The following AOPEP variants were observed in gnomAD, a reference collection of about 807,000 sequenced individuals.
AOPEP encodes the protein aminopeptidase O.
In AOPEP, 77 loss-of-function variants were observed where a neutral mutation model predicts 98.1. That is an observed-to-expected ratio of 0.78 (90% CI 0.65 to 0.95). The LOEUF is 0.95. AOPEP is among the 40% of genes least tolerant of loss of function. The pLI is 0.00. For missense variants in AOPEP, 1,024 were observed against 1,024.7 expected (o/e 1.00, Z 0.01); for synonymous variants, 346 against 365.3 (o/e 0.95, Z 0.60).
chr9:95,050,226 C>T (rs1339693840), intron 13 of AOPEP, among the ~76,000 whole-genome samples: 2 of 152,202 alleles, frequency 1.3e-5, no homozygotes. Flanking sequence ...CACACATTGG[C>T]AAGGCAGCCT....
At chr9:94,769,478 G>C (rs1288163996) in intron 2 of AOPEP, among the ~76,000 whole-genome samples, 1 of 152,184 alleles carries the variant, frequency 6.6e-6, no homozygotes, top group Non-Finnish European at 1.5e-5. Flanking sequence ...TTTTCAAGGT[G>C]TGCCTACCCT....
the AOPEP span, among the ~76,000 whole-genome samples, chr9:95,122,315 C>G: frequency 6.6e-6 from 1 of 152,114 alleles, no homozygotes; most frequent in African/African-American, 2.4e-5. Context: ...GGTCACGCAT[C>G]TACCAAATAT....
At chr9:95,136,633 C>T in the AOPEP span, among the ~76,000 whole-genome samples, 5 of 152,144 alleles carry the variant, frequency 3.3e-5, no homozygotes, top group African/African-American at 1.2e-4. Context: ...ACTACAGGTG[C>T]ACGTCACCAC....
intron 5 of AOPEP, among the ~76,000 whole-genome samples, chr9:94,898,145 G>A (rs1169597459): frequency 2.6e-5 from 4 of 152,008 alleles, no homozygotes; most frequent in Non-Finnish European, 1.5e-5. Flanking sequence ...CAGCCTAAAA[G>A]TATGCTCTCT....
chr9:95,123,101 A>G, the AOPEP span, among the ~76,000 whole-genome samples: 1 of 152,140 alleles, frequency 6.6e-6, no homozygotes, highest in East Asian at 1.9e-4. Flanking sequence ...CAGCTGTTTG[A>G]GACCAGCCTG....
At chr9:95,114,629 C>T in the AOPEP span, 1 of 1,613,572 alleles carries the variant, frequency 6.2e-7, no homozygotes. Context: ...GTTTGCTCAC[C>T]CATGAGTCTG....
the AOPEP span, chr9:95,126,419 C>T: frequency 1.8e-6 from 2 of 1,086,464 alleles, no homozygotes; most frequent in South Asian, 1.3e-5. Context: ...GAATCAGAAA[C>T]TCTAATTTCC....
intron 13 of AOPEP, among the ~76,000 whole-genome samples, chr9:95,046,625 G>A (rs1166856462): frequency 6.6e-6 from 1 of 152,212 alleles, no homozygotes; most frequent in Non-Finnish European, 1.5e-5. Context: ...AGCTAAGAAC[G>A]ACTTCTAGAC....
intron 13 of AOPEP, among the ~76,000 whole-genome samples, chr9:95,013,161 TATA>T (rs751225858): frequency 1.1e-4 from 17 of 152,120 alleles, no homozygotes; most frequent in Non-Finnish European, 8.8e-5. Context: ...TAAACCCATT[TATA>T]ATAATTAATA....
the AOPEP span, among the ~76,000 whole-genome samples, chr9:95,134,447 C>A: frequency 1.3e-5 from 2 of 152,126 alleles, no homozygotes; most frequent in Non-Finnish European, 2.9e-5. Context: ...AAGACCGGAC[C>A]GTTCACTGTG....
intron 11 of AOPEP, among the ~76,000 whole-genome samples, chr9:95,003,179 C>T (rs932748819): frequency 1.3e-5 from 2 of 150,678 alleles, no homozygotes; most frequent in East Asian, 2.0e-4. Flanking sequence ...CGCGCGCGCG[C>T]GTGTGTGACT....
At chr9:94,733,891 A>G (rs1382216996) in intron 1 of AOPEP, among the ~76,000 whole-genome samples, 2 of 152,198 alleles carry the variant, frequency 1.3e-5, no homozygotes, top group African/African-American at 4.8e-5. Flanking sequence ...TGCTGGGAGT[A>G]TATTTTAAAC....
At chr9:94,884,080 A>C (rs1463090098) in intron 5 of AOPEP, among the ~76,000 whole-genome samples, 1 of 152,228 alleles carries the variant, frequency 6.6e-6, no homozygotes, top group African/African-American at 2.4e-5. Flanking sequence ...TGGAAGGCAG[A>C]GAGCTGCTTG....
chr9:94,936,748 G>T (rs1393054525), intron 7 of AOPEP, among the ~76,000 whole-genome samples: 1 of 152,154 alleles, frequency 6.6e-6, no homozygotes, highest in Admixed American at 6.5e-5. Flanking sequence ...CCAGTCACAC[G>T]CCCCAGGTTG....
At chr9:95,066,932 G>C (rs1564596381) in intron 14 of AOPEP, among the ~76,000 whole-genome samples, 1 of 152,120 alleles carries the variant, frequency 6.6e-6, no homozygotes, top group Non-Finnish European at 1.5e-5. Flanking sequence ...TTGGATTTCT[G>C]TTCTGAAATC....
intron 7 of AOPEP, chr9:94,931,946 G>GT: frequency 8.8e-7 from 1 of 1,142,198 alleles, no homozygotes; most frequent in Non-Finnish European, 1.2e-6. Flanking sequence ...GGCTCAGAAA[G>GT]ACTGAGTAAT....
Position 94,848,936 on chromosome 9 carries a change from C to T in AOPEP, c.1364+47934C>T, listed in dbSNP as rs549309846. Among the ~76,000 whole-genome samples, 248 of 152,256 alleles carry T rather than the reference C, an allele frequency of 1.6e-3. 2 individuals are homozygous for T. The highest frequency in any genetic ancestry group is 0.014 in the Middle Eastern group (4 of 294). ...GGATTACAGGCATGCATCACCACAC[C>T]CAGCTAATTTTCTTGGTATTTTTAG... On this transcript the variant is annotated intron_variant, in intron 5 of 16. Transcript: ENST00000375315.
At chr9:94,742,712 C>T (rs895000563) in intron 1 of AOPEP, among the ~76,000 whole-genome samples, 1 of 152,164 alleles carries the variant, frequency 6.6e-6, no homozygotes, top group Non-Finnish European at 1.5e-5. Flanking sequence ...GGATTACAGA[C>T]GTGAGCCACT....
the AOPEP span, among the ~76,000 whole-genome samples, chr9:95,097,304 T>C: frequency 1.3e-5 from 2 of 152,214 alleles, no homozygotes; most frequent in East Asian, 3.8e-4. Flanking sequence ...ATTTGCCCAG[T>C]GTTTGGCCCC....
Sources: gnomAD v4.1 joint callset for allele counts (sites outside exome capture counted in the v4.1 genomes callset) on GRCh38, gnomAD v4.1.1 for gene constraint, MANE v1.5 for transcripts, NCBI Gene and HGNC (gene_info 2026-07-23, HGNC 2026-07-21) for gene names.